CAMKMT: variants seen among roughly 807,000 people sequenced by gnomAD.
CAMKMT encodes calmodulin-lysine N-methyltransferase.
Under a neutral mutation model 48.0 loss-of-function variants are expected in CAMKMT, and 53 were observed. The observed-to-expected ratio is 1.10, with a 90% CI of 0.89 to 1.39. The LOEUF (loss-of-function observed/expected upper bound fraction) is 1.39. Ranked by LOEUF, CAMKMT falls within the 40% of genes most tolerant of loss-of-function variation. The pLI, the probability that CAMKMT is intolerant of heterozygous loss-of-function variation, is 0.00. For synonymous variants in CAMKMT, 165 were observed against 152.3 expected, an observed-to-expected ratio of 1.08 and a Z score of -0.61; for missense variants, 428 against 402.7, an observed-to-expected ratio of 1.06 and a Z score of -0.54.
intron 3 of CAMKMT, among the ~76,000 whole-genome samples, chr2:44,412,891 C>T (rs569086665): frequency 6.6e-6 from 1 of 151,568 alleles, no homozygotes; most frequent in Admixed American, 6.6e-5. Context: ...GCTTGACCAA[C>T]ATGGTGAAAC....
chr2:44,651,854 A>G (rs575779514), intron 3 of CAMKMT, among the ~76,000 whole-genome samples: 1 of 152,346 alleles, frequency 6.6e-6, no homozygotes, highest in South Asian at 2.1e-4. Context: ...GGAAAGAAGA[A>G]TTTAATGAGC....
chr2:44,637,790 G>A (rs1452850758), intron 3 of CAMKMT, among the ~76,000 whole-genome samples: 2 of 152,022 alleles, frequency 1.3e-5, no homozygotes, highest in Non-Finnish European at 2.9e-5. Flanking sequence ...CCACCAGCCA[G>A]GCACGGTGGC....
chr2:44,680,147 G>A (rs1046075761), intron 3 of CAMKMT, among the ~76,000 whole-genome samples: 230 of 152,098 alleles, frequency 1.5e-3, no homozygotes, highest in African/African-American at 5.2e-3. Flanking sequence ...ATCAAGTGAC[G>A]GACTTCAAAT....
At chr2:44,571,089 C>G (rs1042255626) in intron 3 of CAMKMT, among the ~76,000 whole-genome samples, 3 of 152,138 alleles carry the variant, frequency 2.0e-5, no homozygotes, top group African/African-American at 7.2e-5. Context: ...TTATTAGGAT[C>G]AAGACACAAA....
intron 3 of CAMKMT, among the ~76,000 whole-genome samples, chr2:44,681,825 T>C (rs899996310): frequency 1.3e-5 from 2 of 152,214 alleles, no homozygotes; most frequent in African/African-American, 4.8e-5. Context: ...CCTTCATTCA[T>C]CTGGTTTTTG....
At chr2:44,490,212 T>C (rs889958050) in intron 3 of CAMKMT, among the ~76,000 whole-genome samples, 1 of 152,174 alleles carries the variant, frequency 6.6e-6, no homozygotes, top group African/African-American at 2.4e-5. Flanking sequence ...TTCCAAAGTG[T>C]TTAATTATAT....
At chr2:44,558,322 G>A (rs1168451766) in intron 3 of CAMKMT, among the ~76,000 whole-genome samples, 4 of 152,188 alleles carry the variant, frequency 2.6e-5, no homozygotes, top group Non-Finnish European at 5.9e-5. Context: ...TTACGAGAGT[G>A]AGCCACTGTG....
intron 10 of CAMKMT, among the ~76,000 whole-genome samples, chr2:44,770,238 G>C (rs1383329945): frequency 6.6e-6 from 1 of 152,224 alleles, no homozygotes; most frequent in Non-Finnish European, 1.5e-5. Flanking sequence ...AGACTTGCTT[G>C]ATTCAGAAAT....
intron 3 of CAMKMT, among the ~76,000 whole-genome samples, chr2:44,595,697 C>T (rs564115635): frequency 9.9e-5 from 15 of 152,240 alleles, no homozygotes; most frequent in Admixed American, 2.6e-4. Flanking sequence ...ATGTTTATTG[C>T]GGCACTGTTC....
At chr2:44,445,757 G>A (rs1288861460) in intron 3 of CAMKMT, among the ~76,000 whole-genome samples, 1 of 141,094 alleles carries the variant, frequency 7.1e-6, no homozygotes. Context: ...GGATTTTTGA[G>A]TTGTCCTCAG....
chr2:44,754,029 G>T (rs1167530645), intron 8 of CAMKMT, 26 bp from the exon 9 acceptor site: 2 of 1,598,610 alleles, frequency 1.3e-6, no homozygotes, highest in Admixed American at 1.7e-5. Flanking sequence ...AGTTTAATCT[G>T]GATTCTGCTC....
At chr2:44,519,942 T>G (rs1296056953) in intron 3 of CAMKMT, among the ~76,000 whole-genome samples, 1 of 151,812 alleles carries the variant, frequency 6.6e-6, no homozygotes, top group Non-Finnish European at 1.5e-5. Flanking sequence ...CCGGGCGCGG[T>G]GGCTCATGCC....
intron 1 of CAMKMT, among the ~76,000 whole-genome samples, chr2:44,371,617 A>G (rs980278465): frequency 2.6e-5 from 4 of 152,226 alleles, no homozygotes; most frequent in Admixed American, 6.5e-5. Context: ...ACAATACAAT[A>G]ATCATTCAGG....
intron 3 of CAMKMT, among the ~76,000 whole-genome samples, chr2:44,553,003 G>A (rs914842666): frequency 6.6e-6 from 1 of 152,174 alleles, no homozygotes; most frequent in African/African-American, 2.4e-5. Context: ...TACATAAGGC[G>A]AAAGGAGGCT....
At chr2:44,437,406 G>A (rs1352914387) in intron 3 of CAMKMT, among the ~76,000 whole-genome samples, 1 of 152,182 alleles carries the variant, frequency 6.6e-6, no homozygotes, top group Admixed American at 6.5e-5. Context: ...GGGGATAGTT[G>A]TTCTGTTGGG....
chr2:44,520,100 TC>T (rs1671026293), intron 3 of CAMKMT, among the ~76,000 whole-genome samples: 1 of 149,902 alleles, frequency 6.7e-6, no homozygotes, highest in African/African-American at 2.4e-5. Context: ...GCACCTGTGG[TC>T]CCAGCTATTC....
At chr2:44,583,700 G>A (rs146401327) in intron 3 of CAMKMT, among the ~76,000 whole-genome samples, 14 of 152,204 alleles carry the variant, frequency 9.2e-5, no homozygotes, top group African/African-American at 3.1e-4. Flanking sequence ...GGAGGGTGAG[G>A]GGGAAGGATG....
chr2:44,746,155 A>G (rs537165748), intron 8 of CAMKMT, among the ~76,000 whole-genome samples: 4 of 152,362 alleles, frequency 2.6e-5, no homozygotes, highest in Admixed American at 2.6e-4. Flanking sequence ...ATTAGGCCAC[A>G]GGAATATGAA....
intron 3 of CAMKMT, among the ~76,000 whole-genome samples, chr2:44,603,752 C>T (rs1671131852): frequency 6.6e-6 from 1 of 152,162 alleles, no homozygotes; most frequent in Non-Finnish European, 1.5e-5. Context: ...ATGTATTCCC[C>T]TGCCCCAGAT....
Sources: gnomAD v4.1 joint callset for allele counts (sites outside exome capture counted in the v4.1 genomes callset) on GRCh38, gnomAD v4.1.1 for gene constraint, MANE v1.5 for transcripts, NCBI Gene and HGNC (gene_info 2026-07-23, HGNC 2026-07-21) for gene names.